Variants in TP53BP2 observed in about 807,000 individuals in gnomAD.
TP53BP2 encodes the protein apoptosis-stimulating of p53 protein 2.
TP53BP2 carries 62 observed loss-of-function variants against 126.2 expected under a neutral mutation model. The observed-to-expected ratio is 0.49, with a 90% CI of 0.40 to 0.61. The LOEUF (loss-of-function observed/expected upper bound fraction) is 0.61. TP53BP2 is among the 20% of genes least tolerant of loss of function. The pLI is 0.00. For synonymous variants in TP53BP2, 485 were observed against 502.9 expected, an observed-to-expected ratio of 0.96 and a Z score of 0.48; for missense variants, 1,215 against 1,402.8, an observed-to-expected ratio of 0.87 and a Z score of 2.14.
At position 223,798,396 on chromosome 1, in the gene TP53BP2, C is replaced by T; in HGVS notation, c.1767G>A (p.Arg589=). The change falls in exon 12 of 18, where the codon CGG becomes CGA. Residue 589 remains arginine (R), a synonymous_variant. Transcript: ENST00000343537. ...CTTTGGAAGGCTGGGGAGTAAAGGG[C>T]CGGACGGCAGCAGCAGGTGGACTTT... ...KQESPPAAAV[R]PFTPQPSKDT... 1 of 1,614,124 alleles carries T rather than the reference C, an allele frequency of 6.2e-7. No homozygotes were observed. Among genetic ancestry groups the T allele is most frequent in the Non-Finnish European group, 8.5e-7 (1 of 1,180,028 alleles).
intron 2 of TP53BP2, 89 bp from the exon 3 acceptor site, chr1:223,814,442 A>G (rs1663017163): frequency 3.2e-6 from 3 of 939,648 alleles, no homozygotes; most frequent in Admixed American, 4.2e-5. Context: ...CAAATTATAC[A>G]TTATGGATAC....
chr1:223,836,646 G>C (rs1412754118), intron 1 of TP53BP2, among the ~76,000 whole-genome samples: 5 of 152,130 alleles, frequency 3.3e-5, no homozygotes, highest in Non-Finnish European at 7.4e-5. Context: ...AGACCACCAG[G>C]GAAGCAGTGT....
intron 3 of TP53BP2, among the ~76,000 whole-genome samples, chr1:223,811,724 T>C (rs1054995237): frequency 3.3e-5 from 5 of 152,192 alleles, no homozygotes; most frequent in African/African-American, 9.7e-5. Context: ...GACAGTCTCC[T>C]AATCCTTAAT....
chr1:223,800,028 C>T lies in TP53BP2; in HGVS notation c.1356G>A (p.Pro452=), dbSNP rs750554974. ...GCACTTTCTTCTCTTTCTCCCTCAG[C>T]GGAACCTCTCCATCATCAACTAAAG... ...ALDQVDDGEV[P]LREKEKKVRP... Residue 452 remains proline, a synonymous_variant, in exon 11 of 18, where the codon CCG becomes CCA. Coordinates refer to ENST00000343537, the MANE Select transcript of TP53BP2 (RefSeq NM_001031685.3). 26 of 1,608,912 alleles carry T rather than the reference C, an allele frequency of 1.6e-5. No individual in the cohort carries two copies. The highest frequency in any genetic ancestry group is 6.7e-5 in the South Asian group (6 of 90,094).
Position 223,810,434 on chromosome 1 carries a change from G to GT in TP53BP2, c.368dup (p.Asn123LysfsTer4). The GT allele has an allele frequency of 1.2e-6, 2 of 1,606,322 alleles. No individual in the cohort carries two copies. The highest frequency in any genetic ancestry group is 1.7e-6 in the Non-Finnish European group (2 of 1,175,654). On this transcript the variant is annotated frameshift_variant, in exon 4 of 18. Transcript: ENST00000343537. LOFTEE classifies it high-confidence loss of function. ...ATGGATAAAAACAACAACTTACACC[G>GT]TTCTCCTTTCTTCGATATTCACCAG... is the stretch of plus-strand genomic sequence containing the variant.
chr1:223,840,875 A>T (rs59104475), intron 1 of TP53BP2, among the ~76,000 whole-genome samples: 2 of 152,278 alleles, frequency 1.3e-5, no homozygotes, highest in East Asian at 1.9e-4. Flanking sequence ...GGTTTCTCTG[A>T]AACAGGTAAA....
chr1:223,828,715 T>C (rs1320713265), intron 1 of TP53BP2, among the ~76,000 whole-genome samples: 1 of 152,156 alleles, frequency 6.6e-6, no homozygotes, highest in Non-Finnish European at 1.5e-5. Context: ...TTACGCTAAG[T>C]GATAGAAGCC....
At chr1:223,828,166 G>C (rs1353927328) in intron 1 of TP53BP2, among the ~76,000 whole-genome samples, 8 of 152,034 alleles carry the variant, frequency 5.3e-5, no homozygotes, top group African/African-American at 1.7e-4. Flanking sequence ...TCCTGCATCT[G>C]ATACCAAAAT....
At chr1:223,834,712 C>T in intron 1 of TP53BP2, 1 of 560,068 alleles carries the variant, frequency 1.8e-6, no homozygotes, top group Non-Finnish European at 2.3e-6. Flanking sequence ...ACTTCTCTCC[C>T]CAGAGTAGCT....
In TP53BP2 at chr1:223,802,174, C is replaced by T; in HGVS notation, c.1167G>A (p.Gly389=). 6.2e-7 allele frequency: 1 copy of T among 1,614,172 alleles called. No individual in the cohort carries two copies. The highest frequency in any genetic ancestry group is 8.5e-7 in the Non-Finnish European group (1 of 1,180,032). The change falls in exon 9 of 18, where the codon GGG becomes GGA. Residue 389 remains glycine, a synonymous_variant. Coordinates refer to ENST00000343537, the MANE Select transcript of TP53BP2 (RefSeq NM_001031685.3). The part of the protein sequence containing the change: ...DGSLVIQASE[G]PMKIQTLPNM... ...TGGGCAGTGTCTGTATTTTCATCGG[C>T]CCCTCTGAAGCCTGAATGACCAAGG...
intron 1 of TP53BP2, among the ~76,000 whole-genome samples, chr1:223,843,241 T>G (rs908129438): frequency 1.3e-5 from 2 of 151,980 alleles, no homozygotes; most frequent in Non-Finnish European, 2.9e-5. Context: ...TGGTGCCATC[T>G]CGGCTCACTG....
intron 1 of TP53BP2, chr1:223,845,344 G>C (rs1419370383): frequency 1.2e-6 from 1 of 804,798 alleles, no homozygotes; most frequent in African/African-American, 1.9e-5. Context: ...AAAAAGTCAA[G>C]ACCCAGTGAA....
chr1:223,797,424 T>C lies in TP53BP2; in HGVS notation c.1948+791A>G, dbSNP rs12024059. Reference sequence around the variant, plus strand: ...ATATATATATATATGTACGTATGTATGTTTTTTTTTTTAGATGGAGTTTCA... The same window carrying C: ...ATATATATATATATGTACGTATGTACGTTTTTTTTTTTAGATGGAGTTTCA... On this transcript the variant is annotated intron_variant, in intron 12 of 17. Coordinates refer to ENST00000343537, the MANE Select transcript of TP53BP2 (RefSeq NM_001031685.3). Among the ~76,000 whole-genome samples the C allele has an allele frequency of 4.3e-3, 657 of 152,094 alleles. 28 individuals carry two copies. In the East Asian group the frequency reaches 0.1, roughly 24 times the overall value.
intron 1 of TP53BP2, 198 bp from the exon 2 acceptor site, chr1:223,821,565 G>C (rs1307621513): frequency 2.7e-6 from 2 of 749,226 alleles, no homozygotes; most frequent in Non-Finnish European, 4.9e-6. Flanking sequence ...CCATGGGGCA[G>C]TAGCTCTAGA....
At chr1:223,824,958 G>A (rs1023232990) in intron 1 of TP53BP2, among the ~76,000 whole-genome samples, 5 of 150,738 alleles carry the variant, frequency 3.3e-5, no homozygotes, top group Non-Finnish European at 5.9e-5. Context: ...TCTCCGTCAC[G>A]CCTTTACTCA....
At chr1:223,799,560 G>A (rs578057885) in intron 11 of TP53BP2, among the ~76,000 whole-genome samples, 5 of 152,196 alleles carry the variant, frequency 3.3e-5, no homozygotes, top group East Asian at 3.8e-4. Flanking sequence ...GATTAAGACT[G>A]TAACAGTTAC....
chr1:223,832,838 C>T (rs904899867), intron 1 of TP53BP2, among the ~76,000 whole-genome samples: 4 of 152,186 alleles, frequency 2.6e-5, no homozygotes, highest in African/African-American at 9.7e-5. Context: ...GTGAGCTAGG[C>T]TGCCAGTCTT....
chr1:223,789,251 A>G (rs1327858094), intron 15 of TP53BP2, 77 bp from the exon 16 acceptor site: 30 of 1,528,418 alleles, frequency 2.0e-5, no homozygotes, highest in Non-Finnish European at 2.3e-5. Context: ...CTGGAAAGAA[A>G]GTTCTTGAGT....
chr1:223,810,467 T>A lies in TP53BP2; in HGVS notation c.336A>T (p.Val112=), dbSNP rs758195927. The change falls in exon 4 of 18, where the codon GTA becomes GTT. Residue 112 remains valine, a synonymous_variant. Coordinates refer to ENST00000343537, the MANE Select transcript of TP53BP2 (RefSeq NM_001031685.3). ...TTCTTCGATATTCACCAGGAACTTT[T>A]ACACCATTTCTTTTTAAACTTGGAT... ...SQDPSLKRNG[V]KVPGEYRRKE... 1.6e-5 allele frequency: 26 copies of A among 1,610,224 alleles called. No individual in the cohort carries two copies. Among genetic ancestry groups the A allele is most frequent in the Non-Finnish European group, 2.2e-5 (26 of 1,178,136 alleles).
Sources: allele counts gnomAD v4.1 joint callset (sites outside exome capture counted in the v4.1 genomes callset), GRCh38; gene constraint gnomAD v4.1.1; transcripts MANE v1.5; gene names NCBI Gene and HGNC (gene_info 2026-07-23, HGNC 2026-07-21).